The following WWOX variants were observed in gnomAD, a reference collection of about 807,000 sequenced individuals.
WWOX encodes WW domain-containing oxidoreductase.
In WWOX, 69 loss-of-function variants were observed where a neutral mutation model predicts 46.2. The ratio of observed to expected loss-of-function variants is 1.49; its 90% CI spans 1.23 to 1.82. WWOX has a LOEUF of 1.82. Ranked by LOEUF, WWOX falls within the 40% of genes most tolerant of loss-of-function variation. The pLI is 0.00. For missense variants in WWOX, 919 were observed against 542.6 expected, an observed-to-expected ratio of 1.69 and a Z score of -6.89; for synonymous variants, 359 against 202.6, an observed-to-expected ratio of 1.77 and a Z score of -6.56.
intron 8 of WWOX, among the ~76,000 whole-genome samples, chr16:79,003,987 T>C (rs2047144109): frequency 6.6e-6 from 1 of 152,216 alleles, no homozygotes; most frequent in Non-Finnish European, 1.5e-5. Flanking sequence ...CCCTGTACTC[T>C]GCAATGCTGA....
chr16:78,419,070 A>T (rs903772068), intron 6 of WWOX, among the ~76,000 whole-genome samples: 1 of 152,336 alleles, frequency 6.6e-6, no homozygotes, highest in African/African-American at 2.4e-5. Flanking sequence ...TACTTAAAAA[A>T]TATTAAAATG....
chr16:78,352,908 G>T (rs1027950134), intron 5 of WWOX, among the ~76,000 whole-genome samples: 1 of 152,132 alleles, frequency 6.6e-6, no homozygotes, highest in Admixed American at 6.5e-5. Flanking sequence ...ATAGAGAAAA[G>T]ATCAATCATA....
At chr16:78,298,791 C>CAAA (rs10607151) in intron 5 of WWOX, among the ~76,000 whole-genome samples, 2 of 136,764 alleles carry the variant, frequency 1.5e-5, no homozygotes, top group East Asian at 2.1e-4. Flanking sequence ...AACTCTGTCT[C>CAAA]AAAAAAAAAA....
intron 4 of WWOX, among the ~76,000 whole-genome samples, chr16:78,152,139 G>T (rs578204085): frequency 6.6e-6 from 1 of 151,258 alleles, no homozygotes; most frequent in Non-Finnish European, 1.5e-5. Flanking sequence ...GAAGTGAGCC[G>T]AGATCGCGCC....
intron 8 of WWOX, among the ~76,000 whole-genome samples, chr16:79,039,159 T>C (rs1345060732): frequency 6.6e-6 from 1 of 152,206 alleles, no homozygotes; most frequent in Non-Finnish European, 1.5e-5. Context: ...GAATTCTTTT[T>C]GCAGGTGATG....
At chr16:78,915,136 A>G (rs1465574732) in intron 8 of WWOX, among the ~76,000 whole-genome samples, 7 of 152,144 alleles carry the variant, frequency 4.6e-5, no homozygotes, top group African/African-American at 1.7e-4. Context: ...TCCTGCTGCA[A>G]TTAAAAAATT....
At chr16:78,670,557 C>G (rs28664623) in intron 8 of WWOX, among the ~76,000 whole-genome samples, 2 of 151,978 alleles carry the variant, frequency 1.3e-5, no homozygotes, top group Non-Finnish European at 2.9e-5. Context: ...TCCAGCCAGC[C>G]CCAGGTTTGG....
intron 8 of WWOX, among the ~76,000 whole-genome samples, chr16:78,839,552 T>C (rs970116593): frequency 3.9e-5 from 6 of 152,226 alleles, no homozygotes; most frequent in Non-Finnish European, 8.8e-5. Flanking sequence ...GTTAATACTT[T>C]GCAATAAATA....
intron 8 of WWOX, among the ~76,000 whole-genome samples, chr16:79,091,647 C>T (rs546303256): frequency 1.3e-5 from 2 of 152,126 alleles, no homozygotes; most frequent in African/African-American, 2.4e-5. Context: ...AATTTAGAAG[C>T]TCCTACTGAC....
chr16:79,042,741 T>TC (rs1555517218), intron 8 of WWOX, among the ~76,000 whole-genome samples: 2 of 151,712 alleles, frequency 1.3e-5, no homozygotes, highest in Non-Finnish European at 2.9e-5. Flanking sequence ...TTTTTTTTTT[T>TC]TTCTTCTAAC....
At chr16:78,961,004 T>C (rs1262020261) in intron 8 of WWOX, among the ~76,000 whole-genome samples, 1 of 152,164 alleles carries the variant, frequency 6.6e-6, no homozygotes, top group Non-Finnish European at 1.5e-5. Flanking sequence ...CTTTACTCAC[T>C]TGTGATGAGA....
At chr16:79,094,851 C>T (rs546477754) in intron 8 of WWOX, among the ~76,000 whole-genome samples, 1 of 152,126 alleles carries the variant, frequency 6.6e-6, no homozygotes, top group Non-Finnish European at 1.5e-5. Context: ...ATTGAGCCAA[C>T]AGGTTTACAC....
chr16:78,146,830 G>A (rs947614893), intron 4 of WWOX, among the ~76,000 whole-genome samples: 1 of 152,156 alleles, frequency 6.6e-6, no homozygotes, highest in African/African-American at 2.4e-5. Flanking sequence ...GTTTTGTTCC[G>A]TGCATCCTGG....
intron 8 of WWOX, among the ~76,000 whole-genome samples, chr16:78,546,524 ATTAT>A (rs1263324785): frequency 1.3e-5 from 2 of 152,198 alleles, no homozygotes; most frequent in Non-Finnish European, 2.9e-5. Context: ...CCAAGAAAAG[ATTAT>A]TTACGATTCC....
chr16:78,605,646 G>C (rs942735468), intron 8 of WWOX, among the ~76,000 whole-genome samples: 1 of 152,168 alleles, frequency 6.6e-6, no homozygotes. Context: ...TAGAAACTCA[G>C]CTATCCAGAA....
chr16:78,500,487 C>T lies in WWOX; in HGVS notation c.1056+67735C>T, dbSNP rs1203431615. Among the ~76,000 whole-genome samples the T allele has an allele frequency of 7.2e-5, 11 of 151,732 alleles. 1 individual carries two copies. The highest frequency in any genetic ancestry group is 1.0e-4 in the Non-Finnish European group (7 of 67,980). ...TTTTTTAGATCGCTGCATGCTGCCG[C>T]GTTGGGTTAACCATGGTAGCATTTT... On this transcript the variant is annotated intron_variant, in intron 8 of 8. Coordinates refer to ENST00000566780, the MANE Select transcript of WWOX (RefSeq NM_016373.4).
At chr16:78,823,624 G>A (rs1019053771) in intron 8 of WWOX, among the ~76,000 whole-genome samples, 2 of 152,128 alleles carry the variant, frequency 1.3e-5, no homozygotes, top group African/African-American at 4.8e-5. Context: ...AACAGACCCA[G>A]TCACTGGTGT....
intron 8 of WWOX, among the ~76,000 whole-genome samples, chr16:78,544,854 G>A (rs1278251696): frequency 6.6e-6 from 1 of 152,044 alleles, no homozygotes; most frequent in Non-Finnish European, 1.5e-5. Context: ...TAGCATGCGT[G>A]ACAGAGTGAG....
rs1168457388 is a variant in WWOX at position 78,611,050 on chromosome 16, G to A, written c.1056+178298G>A. ...ATATGAAGAACAATTTCAATCATAT[G>A]TTGTTTAATTGAGTTTAACAAGTAA... On this transcript the variant is annotated intron_variant, in intron 8 of 8. Coordinates refer to ENST00000566780, the MANE Select transcript of WWOX (RefSeq NM_016373.4). Among the ~76,000 whole-genome samples, 2 of 152,176 alleles carry A rather than the reference G, an allele frequency of 1.3e-5. 1 individual carries two copies. Among genetic ancestry groups the A allele is most frequent in the East Asian group, 3.8e-4 (2 of 5,200 alleles).
Sources: gnomAD v4.1 joint callset for allele counts (sites outside exome capture counted in the v4.1 genomes callset) on GRCh38, gnomAD v4.1.1 for gene constraint, MANE v1.5 for transcripts, NCBI Gene and HGNC (gene_info 2026-07-23, HGNC 2026-07-21) for gene names.